Variants in CDC42SE2 observed in about 807,000 individuals in gnomAD.
CDC42SE2 encodes the protein CDC42 small effector 2.
Under a neutral mutation model 11.5 loss-of-function variants are expected in CDC42SE2, and 3 were observed. That is an observed-to-expected ratio of 0.26 (90% CI 0.12 to 0.67). The LOEUF (loss-of-function observed/expected upper bound fraction) is 0.67, where lower values mean the gene tolerates loss of function less well. Ranked by LOEUF, CDC42SE2 falls within the 30% of genes least tolerant of loss-of-function variation. The pLI is 0.80. For synonymous variants in CDC42SE2, 33 were observed against 34.8 expected, an observed-to-expected ratio of 0.95 and a Z score of 0.18; for missense variants, 82 against 106.8, an observed-to-expected ratio of 0.77 and a Z score of 1.02.
intron 1 of CDC42SE2, among the ~76,000 whole-genome samples, chr5:131,283,139 CT>C (rs1296000522): frequency 2.0e-5 from 3 of 151,686 alleles, no homozygotes; most frequent in Non-Finnish European, 4.4e-5. Context: ...GTTGTTCAGG[CT>C]GGTCTCGAAC....
chr5:131,310,988 T>C (rs897293432), intron 1 of CDC42SE2, among the ~76,000 whole-genome samples: 2 of 151,280 alleles, frequency 1.3e-5, no homozygotes, highest in African/African-American at 4.9e-5. Flanking sequence ...GTCATTATGA[T>C]GTTAGCTGGT....
chr5:131,211,855 G>C, the CDC42SE2 span, among the ~76,000 whole-genome samples: 1 of 151,806 alleles, frequency 6.6e-6, no homozygotes, highest in South Asian at 2.1e-4. Context: ...TCGGTGGCAC[G>C]TGACTGTAAT....
In CDC42SE2 at chr5:131,309,574, C is replaced by T. The variant is rs551117743; in HGVS notation, c.-454-6402C>T. Among the ~76,000 whole-genome samples the T allele has an allele frequency of 4.6e-4, 70 of 151,278 alleles. No individual in the cohort carries two copies. In the East Asian group the frequency reaches 7.9e-3, roughly 17 times the overall value. ...GAATTCGGCTGTGAATCCATCTGGT[C>T]CTGGACTCTTTTTGTTTGGTAAGCT... On this transcript the variant is annotated intron_variant, in intron 1 of 4. Transcript: ENST00000505065.
chr5:131,366,587 A>G (rs1226957952), intron 3 of CDC42SE2, among the ~76,000 whole-genome samples: 1 of 151,980 alleles, frequency 6.6e-6, no homozygotes, highest in Non-Finnish European at 1.5e-5. Context: ...TTTACTACAT[A>G]CCTCAAGATG....
At chr5:131,352,803 A>C (rs1303460876) in intron 2 of CDC42SE2, among the ~76,000 whole-genome samples, 1 of 152,176 alleles carries the variant, frequency 6.6e-6, no homozygotes. Context: ...TAATGTTTGC[A>C]TTTCTGACAG....
At chr5:131,381,285 A>G (rs925441135) in intron 3 of CDC42SE2, among the ~76,000 whole-genome samples, 1 of 150,618 alleles carries the variant, frequency 6.6e-6, no homozygotes, top group African/African-American at 2.4e-5. Context: ...TCTCACTGTT[A>G]CCAAATCCAG....
intron 1 of CDC42SE2, among the ~76,000 whole-genome samples, chr5:131,270,817 A>C (rs1451492541): frequency 6.6e-6 from 1 of 152,174 alleles, no homozygotes; most frequent in Non-Finnish European, 1.5e-5. Context: ...ACTGCTTTGA[A>C]CCTAGAAGCT....
chr5:131,334,504 C>T (rs1266059707), intron 2 of CDC42SE2, among the ~76,000 whole-genome samples: 2 of 152,268 alleles, frequency 1.3e-5, no homozygotes, highest in East Asian at 3.9e-4. Flanking sequence ...AGGATTCCCT[C>T]TTTTTCTATT....
At chr5:131,371,656 G>T (rs1750015254) in intron 3 of CDC42SE2, among the ~76,000 whole-genome samples, 1 of 152,192 alleles carries the variant, frequency 6.6e-6, no homozygotes. Context: ...ACTATAATAA[G>T]AAGTTAATTA....
intron 2 of CDC42SE2, among the ~76,000 whole-genome samples, chr5:131,334,202 T>C (rs1758496981): frequency 6.6e-6 from 1 of 152,238 alleles, no homozygotes; most frequent in Non-Finnish European, 1.5e-5. Flanking sequence ...AAAGGTCTTT[T>C]CTGCATCTGT....
chr5:131,332,121 C>T, intron 2 of CDC42SE2, among the ~76,000 whole-genome samples: 1 of 152,120 alleles, frequency 6.6e-6, no homozygotes, highest in Non-Finnish European at 1.5e-5. Context: ...TCCCCACTCC[C>T]CCCACTCCAC....
intron 3 of CDC42SE2, among the ~76,000 whole-genome samples, chr5:131,383,601 T>C (rs1230316446): frequency 1.3e-5 from 2 of 152,042 alleles, no homozygotes. Flanking sequence ...CTCTGAAAAA[T>C]AACCATAATG....
At chr5:131,378,665 A>C (rs904376597) in intron 3 of CDC42SE2, among the ~76,000 whole-genome samples, 3 of 152,226 alleles carry the variant, frequency 2.0e-5, no homozygotes, top group African/African-American at 4.8e-5. Flanking sequence ...TAAGATATAA[A>C]TTGAAAAATA....
At chr5:131,301,479 G>A (rs1580740496) in intron 1 of CDC42SE2, among the ~76,000 whole-genome samples, 1 of 152,110 alleles carries the variant, frequency 6.6e-6, no homozygotes, top group Non-Finnish European at 1.5e-5. Context: ...TTTTAAAAGG[G>A]CTGGGTGCGG....
chr5:131,393,467 A>C lies in CDC42SE2; in HGVS notation c.*2376A>C, dbSNP rs373146395. 1.3e-5 allele frequency: 2 copies of C among 152,344 alleles called. No individual in the cohort carries two copies. Among genetic ancestry groups the C allele is most frequent in the African/African-American group, 4.8e-5 (2 of 41,454 alleles). The allele number at this position is 152,344 out of a possible 1,614,324, so 9.4% of individuals were successfully genotyped here. A position where few individuals can be genotyped will look rare whatever the true frequency, so the allele number is the denominator to read the frequency against. On this transcript the variant is annotated 3_prime_UTR_variant, in exon 5 of 5. Coordinates refer to ENST00000505065, the MANE Select transcript of CDC42SE2 (RefSeq NM_001375635.1). ...TGCATCTTCGGAGTAGACATTTTGC[A>C]GTTTGTTTAATAACAACTTCTAAAG...
intron 1 of CDC42SE2, among the ~76,000 whole-genome samples, chr5:131,310,394 G>A (rs940013301): frequency 2.0e-5 from 3 of 151,734 alleles, no homozygotes; most frequent in African/African-American, 7.3e-5. Flanking sequence ...GAATAGGTGT[G>A]GTGTGGTGCT....
At chr5:131,378,379 G>A (rs1750216913) in intron 3 of CDC42SE2, among the ~76,000 whole-genome samples, 1 of 151,990 alleles carries the variant, frequency 6.6e-6, no homozygotes, top group Admixed American at 6.6e-5. Context: ...TAACTTGGAA[G>A]CAGCTCACGC....
At position 131,341,091 on chromosome 5, in the gene CDC42SE2, G is replaced by C. The variant is rs138113412; in HGVS notation, c.-285-18118G>C. Among the ~76,000 whole-genome samples the C allele has an allele frequency of 1.2e-4, 19 of 152,270 alleles. No homozygotes were observed. The East Asian group carries it at 3.5e-3, about 28-fold the overall frequency. The stretch of plus-strand genomic sequence containing the variant: ...AAAAATATTAATCATCAGCATCATT[G>C]TGTACTTACTGTATACTAAGTGTTT... On this transcript the variant is annotated intron_variant, in intron 2 of 4. Transcript: ENST00000505065.
At chr5:131,337,963 T>C (rs2149749418) in intron 2 of CDC42SE2, among the ~76,000 whole-genome samples, 1 of 152,356 alleles carries the variant, frequency 6.6e-6, no homozygotes, top group African/African-American at 2.4e-5. Context: ...CACAGTGCGC[T>C]GCACCCACTG....
Sources: allele counts gnomAD v4.1 joint callset (sites outside exome capture counted in the v4.1 genomes callset), GRCh38; gene constraint gnomAD v4.1.1; transcripts MANE v1.5; gene names NCBI Gene and HGNC (gene_info 2026-07-23, HGNC 2026-07-21).